The following PPP6R3 variants were observed in gnomAD, a reference collection of about 807,000 sequenced individuals.
PPP6R3 encodes serine/threonine-protein phosphatase 6 regulatory subunit 3.
A neutral mutation model predicts 110.7 loss-of-function variants in PPP6R3; 38 were observed. The ratio of observed to expected loss-of-function variants is 0.34; its 90% CI spans 0.26 to 0.45. The LOEUF (loss-of-function observed/expected upper bound fraction) is 0.45, where lower values mean the gene tolerates loss of function less well. Ranked by LOEUF, PPP6R3 falls within the 20% of genes least tolerant of loss-of-function variation. The probability of loss-of-function intolerance (pLI) is 1.00; values close to 1 mark genes in which losing one functional copy is unlikely to be tolerated. For synonymous variants in PPP6R3, 369 were observed against 373.5 expected, an observed-to-expected ratio of 0.99 and a Z score of 0.14; for missense variants, 870 against 1,062.4, an observed-to-expected ratio of 0.82 and a Z score of 2.52.
chr11:68,611,751 G>A (rs1196413749), intron 23 of PPP6R3, among the ~76,000 whole-genome samples: 2 of 152,124 alleles, frequency 1.3e-5, no homozygotes, highest in African/African-American at 4.8e-5. Flanking sequence ...CTGAGGTGAC[G>A]TTGGAGTGGG....
At chr11:68,610,238 G>A (rs1040611929) in intron 23 of PPP6R3, among the ~76,000 whole-genome samples, 1 of 152,178 alleles carries the variant, frequency 6.6e-6, no homozygotes, top group Admixed American at 6.5e-5. Flanking sequence ...CGCAGAAACT[G>A]AAAACCAGTT....
chr11:68,579,559 T>C (rs2099544938), intron 14 of PPP6R3, among the ~76,000 whole-genome samples: 2 of 152,216 alleles, frequency 1.3e-5, no homozygotes, highest in South Asian at 2.1e-4. Context: ...GTGCCTACAA[T>C]GTGCCAGACA....
In PPP6R3 at chr11:68,613,213, G is replaced by T; in HGVS notation, c.*96G>T. On this transcript the variant is annotated 3_prime_UTR_variant, in exon 24 of 24. Coordinates refer to ENST00000393800, the MANE Select transcript of PPP6R3 (RefSeq NM_001164161.2). ...TGGAGCCCACCAAGCTGTCACTGCT[G>T]CACTCACTCTGCAAGGGATCAGGAC... 6.4e-7 allele frequency: 1 copy of T among 1,553,102 alleles called. No homozygotes were observed. The highest frequency in any genetic ancestry group is 8.7e-7 in the Non-Finnish European group (1 of 1,151,552).
At chr11:68,571,200 T>A (rs2099504334) in intron 12 of PPP6R3, 96 bp downstream of exon 12, 1 of 1,422,860 alleles carries the variant, frequency 7.0e-7, no homozygotes, top group Non-Finnish European at 9.3e-7. Flanking sequence ...TGGAAATAAT[T>A]ACATGATACT....
At chr11:68,508,121 CTTTTTTTTTTT>C (rs748376581) in intron 1 of PPP6R3, among the ~76,000 whole-genome samples, 6 of 77,610 alleles carry the variant, frequency 7.7e-5, no homozygotes, top group East Asian at 3.8e-4. Context: ...GTTTTTTGGC[CTTTTTTTTTTT>C]TTTTTTTTTT....
chr11:68,515,552 A>G (rs537297599), intron 1 of PPP6R3, among the ~76,000 whole-genome samples: 114 of 152,376 alleles, frequency 7.5e-4, no homozygotes, highest in Non-Finnish European at 1.2e-3. Flanking sequence ...AATGTTCACA[A>G]AGTTATCCAG....
intron 18 of PPP6R3, among the ~76,000 whole-genome samples, chr11:68,592,167 A>G (rs1399768300): frequency 4.6e-5 from 7 of 151,800 alleles, no homozygotes; most frequent in Admixed American, 6.6e-5. Context: ...TTTTTTTTAA[A>G]TCATCCGTAT....
At chr11:68,531,719 G>A (rs951413770) in intron 2 of PPP6R3, among the ~76,000 whole-genome samples, 1 of 152,152 alleles carries the variant, frequency 6.6e-6, no homozygotes, top group Non-Finnish European at 1.5e-5. Context: ...TTGCCTGAGT[G>A]TGTGTATGTT....
intron 8 of PPP6R3, among the ~76,000 whole-genome samples, chr11:68,562,417 A>AT (rs1469727427): frequency 1.3e-5 from 2 of 152,228 alleles, no homozygotes; most frequent in Non-Finnish European, 2.9e-5. Flanking sequence ...TCTAAGCAGG[A>AT]TTTTTTAGAA....
At chr11:68,609,520 G>C (rs777564475) in intron 22 of PPP6R3, 1 of 1,400,302 alleles carries the variant, frequency 7.1e-7, no homozygotes, top group South Asian at 1.2e-5. Context: ...ACGTGCAGTC[G>C]TGGACATATT....
In PPP6R3 at chr11:68,613,046, G is replaced by A. The variant is rs756743235; in HGVS notation, c.2571-20G>A. On this transcript the variant is annotated intron_variant, in intron 23 of 23. Transcript: ENST00000393800. ...TATTTCTGCTGCAAGTGCCTCCGAT[G>A]CCTGTCTGTTGCTCCTTAGGACTGG... 2.5e-6 allele frequency: 4 copies of A among 1,614,118 alleles called. No homozygotes were observed. Among genetic ancestry groups the A allele is most frequent in the South Asian group, 2.2e-5 (2 of 91,066 alleles).
intron 1 of PPP6R3, among the ~76,000 whole-genome samples, chr11:68,484,574 T>TCA (rs1555033970): frequency 6.6e-6 from 1 of 150,564 alleles, no homozygotes; most frequent in Non-Finnish European, 1.5e-5. Context: ...ATATATATTT[T>TCA]TATATATATA....
intron 2 of PPP6R3, among the ~76,000 whole-genome samples, chr11:68,530,699 T>C (rs1312690445): frequency 1.3e-5 from 2 of 152,256 alleles, no homozygotes; most frequent in Non-Finnish European, 2.9e-5. Flanking sequence ...AATGCTCTCC[T>C]GTTTGGGTTC....
intron 1 of PPP6R3, among the ~76,000 whole-genome samples, chr11:68,483,415 C>T (rs1443395513): frequency 1.3e-5 from 2 of 152,300 alleles, no homozygotes; most frequent in African/African-American, 4.8e-5. Flanking sequence ...GATAACATCC[C>T]TCAGGAGAAT....
At chr11:68,575,868 T>G in intron 13 of PPP6R3, 90 bp from the exon 14 acceptor site, 1 of 886,554 alleles carries the variant, frequency 1.1e-6, no homozygotes, top group Non-Finnish European at 1.8e-6. Flanking sequence ...ACCAGGTGAG[T>G]AGGCCCACTT....
At position 68,460,834 on chromosome 11, in the gene PPP6R3, G is replaced by C. The variant is rs1373509074; in HGVS notation, c.-158+7G>C. 6.6e-6 allele frequency: 1 copy of C among 152,240 alleles called. No homozygotes were observed. The highest frequency in any genetic ancestry group is 6.5e-5 in the Admixed American group (1 of 15,278). The allele number at this position is 152,240 out of a possible 1,614,324, so 9.4% of individuals were successfully genotyped here. On this transcript the variant is annotated splice_region_variant and intron_variant, in intron 1 of 23. Transcript: ENST00000393800. ...GGGTCGTGGGCACCTCCAGGTAATG[G>C]GGGTAGGGGAGGCGCCGGAGCAGGC...
At chr11:68,488,425 C>T (rs1283627144) in intron 1 of PPP6R3, among the ~76,000 whole-genome samples, 2 of 152,154 alleles carry the variant, frequency 1.3e-5, no homozygotes, top group Admixed American at 6.5e-5. Context: ...CCTCCTATCT[C>T]GGCCTCCCAA....
chr11:68,542,962 T>G (rs1474633329), intron 3 of PPP6R3, among the ~76,000 whole-genome samples: 1 of 152,176 alleles, frequency 6.6e-6, no homozygotes, highest in Non-Finnish European at 1.5e-5. Flanking sequence ...GTCAGCAGTT[T>G]CCACATTAAG....
At chr11:68,572,287 T>TG (rs993890204) in intron 12 of PPP6R3, among the ~76,000 whole-genome samples, 4 of 152,188 alleles carry the variant, frequency 2.6e-5, no homozygotes, top group Non-Finnish European at 5.9e-5. Context: ...AGATATCCTT[T>TG]GTGCCCTGCT....
Sources: allele counts gnomAD v4.1 joint callset (sites outside exome capture counted in the v4.1 genomes callset), GRCh38; gene constraint gnomAD v4.1.1; transcripts MANE v1.5; gene names NCBI Gene and HGNC (gene_info 2026-07-23, HGNC 2026-07-21).